Variants in NKAIN3 observed in about 807,000 individuals in gnomAD.
The protein encoded by NKAIN3 is sodium/potassium-transporting ATPase subunit beta-1-interacting protein 3.
In NKAIN3, 25 loss-of-function variants were observed where a neutral mutation model predicts 30.2. The observed-to-expected ratio is 0.83, with a 90% CI of 0.60 to 1.16. The LOEUF (loss-of-function observed/expected upper bound fraction) is 1.16. Ranked by LOEUF, NKAIN3 falls within the 50% of genes most tolerant of loss-of-function variation. The pLI is 0.00. For synonymous variants in NKAIN3, 91 were observed against 89.6 expected (o/e 1.02, Z -0.09); for missense variants, 225 against 254.1 (o/e 0.89, Z 0.78).
At chr8:62,457,213 A>G (rs954700269) in intron 1 of NKAIN3, among the ~76,000 whole-genome samples, 7 of 152,212 alleles carry the variant, frequency 4.6e-5, no homozygotes, top group African/African-American at 1.4e-4. Context: ...CGTCATCTTC[A>G]AATATTTGAA....
At chr8:62,394,151 C>T (rs796615205) in intron 1 of NKAIN3, among the ~76,000 whole-genome samples, 1 of 152,206 alleles carries the variant, frequency 6.6e-6, no homozygotes, top group African/African-American at 2.4e-5. Context: ...CAGGAGAAAA[C>T]ATTCTGTTTT....
At chr8:62,275,223 G>C (rs1185492129) in intron 1 of NKAIN3, among the ~76,000 whole-genome samples, 1 of 152,080 alleles carries the variant, frequency 6.6e-6, no homozygotes, top group Non-Finnish European at 1.5e-5. Flanking sequence ...CAGTGTAAAA[G>C]TGTTCCTATT....
intron 1 of NKAIN3, among the ~76,000 whole-genome samples, chr8:62,509,145 G>T (rs1167480301): frequency 6.6e-6 from 1 of 152,114 alleles, no homozygotes. Context: ...AACTCTACAT[G>T]TGATGACTAA....
At chr8:62,328,018 TC>T (rs1252419834) in intron 1 of NKAIN3, among the ~76,000 whole-genome samples, 1 of 152,086 alleles carries the variant, frequency 6.6e-6, no homozygotes, top group East Asian at 1.9e-4. Context: ...TTAAAGCCAT[TC>T]ATGGGGCTTT....
chr8:62,524,730 G>A (rs1328952148), intron 1 of NKAIN3, among the ~76,000 whole-genome samples: 1 of 152,140 alleles, frequency 6.6e-6, no homozygotes, highest in Non-Finnish European at 1.5e-5. Flanking sequence ...TTAAGCGGAA[G>A]AGCTGTGATA....
rs535425766 is a variant in NKAIN3, at chr8:62,984,328, C to T, written c.*18921C>T. Reference sequence around the variant, plus strand: ...GGTAAGAGGGACAGAAAGACAAGAACATAGTACCTTCTATTTCTACTACAT... The same window carrying T: ...GGTAAGAGGGACAGAAAGACAAGAATATAGTACCTTCTATTTCTACTACAT... On this transcript the variant is annotated 3_prime_UTR_variant, in exon 7 of 7. Coordinates refer to ENST00000623646, the MANE Select transcript of NKAIN3 (RefSeq NM_001304533.3). 1.3e-5 allele frequency: 2 copies of T among 152,280 alleles called. No homozygotes were observed. Among genetic ancestry groups the T allele is most frequent in the South Asian group, 2.1e-4 (1 of 4,830 alleles). The allele number at this position is 152,280 out of a possible 1,614,324, so 9.4% of individuals were successfully genotyped here.
intron 1 of NKAIN3, among the ~76,000 whole-genome samples, chr8:62,532,004 G>A (rs1808504778): frequency 6.6e-6 from 1 of 152,156 alleles, no homozygotes; most frequent in Non-Finnish European, 1.5e-5. Flanking sequence ...AGCATGTCTG[G>A]GAAATCATGC....
At chr8:62,805,573 T>G (rs1691928870) in intron 4 of NKAIN3, among the ~76,000 whole-genome samples, 1 of 152,056 alleles carries the variant, frequency 6.6e-6, no homozygotes, top group African/African-American at 2.4e-5. Context: ...ATTTAATAAA[T>G]GGTGCTGGGA....
intron 3 of NKAIN3, among the ~76,000 whole-genome samples, chr8:62,606,872 C>G (rs1375607294): frequency 6.6e-6 from 1 of 152,142 alleles, no homozygotes; most frequent in African/African-American, 2.4e-5. Context: ...GTGTAGTGAG[C>G]TGTGCTCATC....
At chr8:62,344,726 A>G (rs1815873181) in intron 1 of NKAIN3, 1 of 266,660 alleles carries the variant, frequency 3.8e-6, no homozygotes, top group Admixed American at 4.8e-5. Flanking sequence ...ATGGATATTG[A>G]CTGCTGTCAG....
At chr8:62,710,400 C>G (rs1814676393) in intron 3 of NKAIN3, among the ~76,000 whole-genome samples, 1 of 152,090 alleles carries the variant, frequency 6.6e-6, no homozygotes, top group South Asian at 2.1e-4. Flanking sequence ...TTTGGGAACT[C>G]CAGTGTTAGG....
intron 4 of NKAIN3, among the ~76,000 whole-genome samples, chr8:62,750,599 G>C (rs1052850899): frequency 1.3e-5 from 2 of 152,044 alleles, no homozygotes; most frequent in African/African-American, 4.8e-5. Context: ...GGCGGCGGGG[G>C]GTGCCACGTG....
chr8:62,479,704 A>G (rs563994127), intron 1 of NKAIN3, among the ~76,000 whole-genome samples: 26 of 152,306 alleles, frequency 1.7e-4, no homozygotes, highest in African/African-American at 5.5e-4. Flanking sequence ...AAAGGTATCT[A>G]TGGCCTCTGT....
intron 1 of NKAIN3, chr8:62,483,912 C>G (rs1431756505): frequency 1.9e-5 from 3 of 160,016 alleles, no homozygotes; most frequent in Admixed American, 6.5e-5. Context: ...ACAGTACTCT[C>G]TTAATTAGTC....
intron 3 of NKAIN3, among the ~76,000 whole-genome samples, chr8:62,724,573 C>T (rs559461414): frequency 6.6e-6 from 1 of 152,080 alleles, no homozygotes; most frequent in East Asian, 1.9e-4. Context: ...TACTCTATAT[C>T]CTAATGAATT....
chr8:62,407,846 A>G (rs1031373703), intron 1 of NKAIN3, among the ~76,000 whole-genome samples: 3 of 152,206 alleles, frequency 2.0e-5, no homozygotes, highest in Non-Finnish European at 2.9e-5. Context: ...AGCCTAGACA[A>G]CACAGAGAGA....
In NKAIN3 at chr8:62,577,552, T is replaced by G. The variant is rs1810155184; in HGVS notation, c.55-1987T>G. Among the ~76,000 whole-genome samples, 3 of 150,218 alleles carry G rather than the reference T, an allele frequency of 2.0e-5. No homozygotes were observed. In the South Asian group the frequency reaches 6.3e-4, roughly 31 times the overall value. ...CAGGGTTTCCTTTTTTTTTTTTTTT[T>G]TAGTATTTTAGTTATGTTTGGACAT... On this transcript the variant is annotated intron_variant, in intron 1 of 6. Transcript: ENST00000623646.
chr8:62,626,625 A>C (rs901299234), intron 3 of NKAIN3, among the ~76,000 whole-genome samples: 3 of 152,092 alleles, frequency 2.0e-5, no homozygotes, highest in Non-Finnish European at 2.9e-5. Flanking sequence ...TTCACCTGCT[A>C]ACTCTCAGGC....
intron 3 of NKAIN3, among the ~76,000 whole-genome samples, chr8:62,730,755 T>C (rs904655815): frequency 6.6e-6 from 1 of 152,218 alleles, no homozygotes; most frequent in Non-Finnish European, 1.5e-5. Flanking sequence ...GTTATCTTGA[T>C]ATACAATTTC....
Sources: allele counts gnomAD v4.1 joint callset (sites outside exome capture counted in the v4.1 genomes callset), GRCh38; gene constraint gnomAD v4.1.1; transcripts MANE v1.5; gene names NCBI Gene and HGNC (gene_info 2026-07-23, HGNC 2026-07-21).